Variants in SNX6 observed in about 807,000 individuals in gnomAD.
SNX6 encodes the protein sorting nexin 6.
Under a neutral mutation model 63.0 loss-of-function variants are expected in SNX6, and 34 were observed. That is an observed-to-expected ratio of 0.54 (90% CI 0.41 to 0.72). The LOEUF is 0.72. Ranked by LOEUF, SNX6 falls within the 30% of genes least tolerant of loss-of-function variation. SNX6 has a pLI of 0.00. For synonymous variants in SNX6, 170 were observed against 164.2 expected (o/e 1.04, Z -0.27); for missense variants, 398 against 471.4 (o/e 0.84, Z 1.44).
intron 8 of SNX6, among the ~76,000 whole-genome samples, chr14:34,591,327 G>A (rs1157169790): frequency 6.6e-6 from 1 of 152,048 alleles, no homozygotes; most frequent in East Asian, 1.9e-4. Context: ...AGAAAACATT[G>A]GTCCAATGAA....
At chr14:34,565,585 T>C (rs35239119) in intron 13 of SNX6, among the ~76,000 whole-genome samples, 38,410 of 151,592 alleles carry the variant, frequency 0.25, 6,173 homozygotes, top group Non-Finnish European at 0.37. Context: ...GGCGCAATCT[T>C]GGCTCACGGC....
intron 2 of SNX6, among the ~76,000 whole-genome samples, chr14:34,620,778 T>C (rs1001610205): frequency 1.3e-5 from 2 of 151,908 alleles, no homozygotes; most frequent in African/African-American, 4.8e-5. Context: ...CTGTGTCTAC[T>C]AAAAATACAA....
chr14:34,584,091 C>G (rs949599157), intron 9 of SNX6, among the ~76,000 whole-genome samples: 4 of 152,084 alleles, frequency 2.6e-5, no homozygotes, highest in African/African-American at 9.7e-5. Context: ...AGGTGATTCA[C>G]CTGCCTTGGC....
Position 34,584,752 on chromosome 14 carries a change from A to T in SNX6, c.794+1478T>A, listed in dbSNP as rs10144923. On this transcript the variant is annotated intron_variant, in intron 9 of 13. Transcript: ENST00000362031. ...AAACACAGTTGGGGAGGAAGAAAAA[A>T]AAATATATATAGAGAGAGAGAGTAA... is the stretch of plus-strand genomic sequence containing the variant. 8.6e-5 allele frequency among the ~76,000 whole-genome samples: 13 copies of T among 150,314 alleles called. No individual in the cohort carries two copies. The East Asian group carries it at 2.3e-3, about 27-fold the overall frequency.
chr14:34,597,432 T>A, intron 7 of SNX6, 118 bp downstream of exon 7: 1 of 681,444 alleles, frequency 1.5e-6, no homozygotes, highest in Non-Finnish European at 2.5e-6. Context: ...TTCCTAGGAC[T>A]GAAGATTCTA....
chr14:34,627,424 G>C (rs927546400), intron 2 of SNX6, among the ~76,000 whole-genome samples: 2 of 151,052 alleles, frequency 1.3e-5, no homozygotes, highest in African/African-American at 4.9e-5. Flanking sequence ...TCGGGCCTTC[G>C]GCCTGGGCGA....
At chr14:34,589,853 C>T (rs1229262636) in intron 8 of SNX6, among the ~76,000 whole-genome samples, 55 of 151,704 alleles carry the variant, frequency 3.6e-4, no homozygotes, top group Non-Finnish European at 8.8e-5. Flanking sequence ...AGTCTGGTGG[C>T]TCATGTCAGC....
intron 11 of SNX6, among the ~76,000 whole-genome samples, chr14:34,572,608 C>A (rs867134894): frequency 2.6e-5 from 4 of 152,184 alleles, no homozygotes; most frequent in Admixed American, 6.6e-5. Context: ...TCTCAATTCA[C>A]AAATTAACAT....
chr14:34,579,747 C>T (rs887720812), intron 10 of SNX6, among the ~76,000 whole-genome samples: 3 of 149,686 alleles, frequency 2.0e-5, no homozygotes, highest in African/African-American at 4.9e-5. Flanking sequence ...CAGCACTTTG[C>T]GAGGCTGAGG....
chr14:34,617,093 T>G (rs569324877), intron 2 of SNX6, among the ~76,000 whole-genome samples: 2 of 151,936 alleles, frequency 1.3e-5, no homozygotes, highest in African/African-American at 2.4e-5. Context: ...TTAAAAAAAT[T>G]TAATCAACTT....
intron 8 of SNX6, among the ~76,000 whole-genome samples, chr14:34,587,008 CAAAAAAAAAA>C (rs71121211): frequency 0.016 from 798 of 50,224 alleles, 18 homozygotes; most frequent in African/African-American, 0.057. Flanking sequence ...GACTCTGTCT[CAAAAAAAAAA>C]AAAAAAAAAA....
At chr14:34,604,347 T>C (rs928422784) in intron 5 of SNX6, 38 of 1,119,802 alleles carry the variant, frequency 3.4e-5, no homozygotes, top group East Asian at 2.7e-4. Context: ...CTCTGCTCAT[T>C]TCCAATTTTC....
chr14:34,612,301 C>CA (rs977767248), intron 2 of SNX6, among the ~76,000 whole-genome samples: 1 of 152,140 alleles, frequency 6.6e-6, no homozygotes, highest in African/African-American at 2.4e-5. Flanking sequence ...GAGGTATCTA[C>CA]ATCCAAATTC....
At chr14:34,586,059 C>G (rs1263340675) in intron 9 of SNX6, among the ~76,000 whole-genome samples, 171 bp downstream of exon 9, 2 of 151,916 alleles carry the variant, frequency 1.3e-5, no homozygotes, top group African/African-American at 2.4e-5. Context: ...TGTGTCACCC[C>G]GCCTGGCTAA....
At chr14:34,607,172 T>C (rs778670343) in intron 4 of SNX6, among the ~76,000 whole-genome samples, 8 of 152,092 alleles carry the variant, frequency 5.3e-5, no homozygotes, top group Non-Finnish European at 1.0e-4. Flanking sequence ...GAAATTAAGT[T>C]TAAATGAGGG....
At chr14:34,589,090 C>T (rs370221780) in intron 8 of SNX6, among the ~76,000 whole-genome samples, 12 of 152,146 alleles carry the variant, frequency 7.9e-5, no homozygotes, top group East Asian at 3.9e-4. Context: ...GCCAAGATCA[C>T]GTCACTGCAC....
chr14:34,568,114 C>T, intron 11 of SNX6, 101 bp from the exon 12 acceptor site: 3 of 927,676 alleles, frequency 3.2e-6, no homozygotes, highest in East Asian at 2.5e-5. Context: ...AGAGCTAACA[C>T]ATAGTGAATA....
intron 11 of SNX6, among the ~76,000 whole-genome samples, chr14:34,574,317 C>T (rs936159298): frequency 2.8e-5 from 4 of 143,848 alleles, no homozygotes; most frequent in African/African-American, 7.9e-5. Flanking sequence ...GCTTGGGTAA[C>T]AGAGCTAGAG....
chr14:34,582,430 C>A (rs1881979131), intron 9 of SNX6, among the ~76,000 whole-genome samples: 1 of 151,898 alleles, frequency 6.6e-6, no homozygotes, highest in Non-Finnish European at 1.5e-5. Context: ...TCGTCTTGGA[C>A]TCCTGATCTC....
Sources: allele counts gnomAD v4.1 joint callset (sites outside exome capture counted in the v4.1 genomes callset), GRCh38; gene constraint gnomAD v4.1.1; transcripts MANE v1.5; gene names NCBI Gene and HGNC (gene_info 2026-07-23, HGNC 2026-07-21).